ARHGEF33: variants seen among roughly 807,000 people sequenced by gnomAD.
ARHGEF33 encodes DH and coiled-coil domain-containing protein ENSP00000381780.
Under a neutral mutation model 101.9 loss-of-function variants are expected in ARHGEF33, and 72 were observed. That is an observed-to-expected ratio of 0.71 (90% CI 0.58 to 0.86). The LOEUF is 0.86. Among genes scored for constraint, ARHGEF33 ranks in the 40% least tolerant of loss-of-function variants. The pLI, the probability that ARHGEF33 is intolerant of heterozygous loss-of-function variation, is 0.00. For missense variants in ARHGEF33, 1,169 were observed against 1,111.3 expected (o/e 1.05, Z -0.74); for synonymous variants, 499 against 442.5 (o/e 1.13, Z -1.60).
intron 13 of ARHGEF33, 46 bp downstream of exon 13, chr2:38,954,502 AAT>A: frequency 8.4e-7 from 1 of 1,190,998 alleles, no homozygotes; most frequent in African/African-American, 1.5e-5. Context: ...CATGCTAAGT[AAT>A]TATTGGTTTT....
intron 11 of ARHGEF33, among the ~76,000 whole-genome samples, chr2:38,951,657 GTA>G (rs961480495): frequency 4.6e-5 from 7 of 150,828 alleles, no homozygotes; most frequent in African/African-American, 1.7e-4. Flanking sequence ...ATGCATCTGT[GTA>G]TATATATACA....
chr2:38,925,646 A>G lies in ARHGEF33; in HGVS notation c.76-3261A>G, dbSNP rs182020271. Among the ~76,000 whole-genome samples the G allele has an allele frequency of 1.3e-3, 204 of 152,314 alleles. 2 individuals carry two copies. The highest frequency in any genetic ancestry group is 4.9e-3 in the African/African-American group (202 of 41,572). On this transcript the variant is annotated intron_variant, in intron 4 of 17. Transcript: ENST00000409978. Reference sequence around the variant, plus strand: ...TAATTGGAAGATGGAAGTTGGCAGAAAACTCGTGTTGCTTCTTCAGTGACC... The same window carrying G: ...TAATTGGAAGATGGAAGTTGGCAGAGAACTCGTGTTGCTTCTTCAGTGACC...
chr2:38,899,048 C>T (rs895937154), intron 2 of ARHGEF33, among the ~76,000 whole-genome samples: 7 of 151,838 alleles, frequency 4.6e-5, no homozygotes, highest in African/African-American at 1.7e-4. Context: ...AAAGAGTGGT[C>T]TTCTTGCTAT....
chr2:38,907,733 T>C (rs1666422404), intron 2 of ARHGEF33, among the ~76,000 whole-genome samples: 1 of 152,214 alleles, frequency 6.6e-6, no homozygotes, highest in African/African-American at 2.4e-5. Context: ...TGTCCTTCTT[T>C]GTCTTTCCTT....
intron 10 of ARHGEF33, among the ~76,000 whole-genome samples, chr2:38,946,328 G>A (rs1265766567): frequency 6.6e-6 from 1 of 151,448 alleles, no homozygotes; most frequent in Non-Finnish European, 1.5e-5. Flanking sequence ...CTACGAGATT[G>A]AAAAATTAAA....
chr2:38,907,355 G>T (rs993574390), intron 2 of ARHGEF33, among the ~76,000 whole-genome samples: 1 of 152,158 alleles, frequency 6.6e-6, no homozygotes, highest in African/African-American at 2.4e-5. Context: ...AAGATGGATT[G>T]TACTCTTTTT....
chr2:38,899,188 A>G (rs926580324), intron 2 of ARHGEF33, among the ~76,000 whole-genome samples: 2 of 152,176 alleles, frequency 1.3e-5, no homozygotes, highest in African/African-American at 4.8e-5. Context: ...ATGTCAGAGG[A>G]ATGTGAATAA....
intron 17 of ARHGEF33, chr2:38,971,762 A>T: frequency 1.4e-6 from 1 of 710,042 alleles, no homozygotes. Flanking sequence ...AAATTCAGAC[A>T]TTGGAGACAT....
intron 14 of ARHGEF33, among the ~76,000 whole-genome samples, chr2:38,957,417 T>G (rs1225571664): frequency 6.6e-6 from 1 of 152,250 alleles, no homozygotes; most frequent in African/African-American, 2.4e-5. Flanking sequence ...CTATTGTGTG[T>G]CAGGCACTGT....
intron 10 of ARHGEF33, among the ~76,000 whole-genome samples, chr2:38,948,341 T>G (rs890118565): frequency 1.3e-5 from 2 of 152,268 alleles, no homozygotes; most frequent in African/African-American, 4.8e-5. Context: ...TGTAGGTCAT[T>G]GTTTTTCATG....
chr2:38,922,613 G>A (rs1346734561), intron 4 of ARHGEF33, among the ~76,000 whole-genome samples: 2 of 152,196 alleles, frequency 1.3e-5, no homozygotes, highest in Admixed American at 6.5e-5. Context: ...TTATTGAGCA[G>A]TTACTATGTG....
In ARHGEF33 at chr2:38,960,050, C is replaced by T. The variant is rs1185513594; in HGVS notation, c.1745C>T (p.Ser582Phe). The change falls in exon 16 of 18, where the codon TCC (serine) becomes TTC (phenylalanine). Residue 582 changes from serine to phenylalanine, a missense_variant. Ser to Phe is a radical substitution (Grantham distance 155). Transcript: ENST00000409978. Reference protein sequence around the residue: ...LQAIPEMDFESSPAEPLGNVE... With the variant: ...LQAIPEMDFEFSPAEPLGNVE... Reference sequence around the variant, plus strand: ...GCCATCCCGGAGATGGACTTCGAGTCCTCTCCGGCGGAGCCGCTGGGCAAC... The same window carrying T: ...GCCATCCCGGAGATGGACTTCGAGTTCTCTCCGGCGGAGCCGCTGGGCAAC... 6.5e-7 allele frequency: 1 copy of T among 1,542,322 alleles called. No homozygotes were observed. Among genetic ancestry groups the T allele is most frequent in the Non-Finnish European group, 8.8e-7 (1 of 1,142,560 alleles).
chr2:38,959,621 G>A, intron 15 of ARHGEF33: 1 of 504,890 alleles, frequency 2.0e-6, no homozygotes. Context: ...TTTCCCAGAA[G>A]CTCAGACAAT....
chr2:38,973,572 C>T (rs1324818811), intron 17 of ARHGEF33, 142 bp from the exon 18 acceptor site: 2 of 851,712 alleles, frequency 2.3e-6, no homozygotes, highest in Non-Finnish European at 3.4e-6. Context: ...TGTCCTAAGT[C>T]ATGAAATTCA....
chr2:38,961,760 G>A (rs1410559126), intron 16 of ARHGEF33, among the ~76,000 whole-genome samples: 2 of 151,966 alleles, frequency 1.3e-5, no homozygotes. Context: ...AATAAACTGT[G>A]GGAGCACATG....
In ARHGEF33 at chr2:38,960,316, C is replaced by A; in HGVS notation, c.2011C>A (p.His671Asn). ...SFAMEAERPE[H>N]PLQPLPKSAT... The stretch of plus-strand genomic sequence containing the variant: ...CGCCATGGAGGCCGAGCGGCCGGAG[C>A]ACCCGCTGCAGCCGCTGCCCAAGAG... Residue 671 changes from histidine (H) to asparagine (N), a missense_variant, in exon 16 of 18, where the codon CAC becomes AAC. Physicochemically the swap from His to Asn is moderately conservative, Grantham distance 68. Coordinates refer to ENST00000409978, the MANE Select transcript of ARHGEF33 (RefSeq NM_001145451.5). 2 of 1,542,954 alleles carry A rather than the reference C, an allele frequency of 1.3e-6. No homozygotes were observed. The highest frequency in any genetic ancestry group is 1.7e-6 in the Non-Finnish European group (2 of 1,145,878).
chr2:38,927,346 ACATT>A (rs1403311210), intron 4 of ARHGEF33, among the ~76,000 whole-genome samples: 1 of 152,258 alleles, frequency 6.6e-6, no homozygotes, highest in Non-Finnish European at 1.5e-5. Context: ...TCAGAAATAC[ACATT>A]CAAAGAAACT....
chr2:38,912,723 A>T (rs1244299990), intron 2 of ARHGEF33, among the ~76,000 whole-genome samples: 1 of 152,210 alleles, frequency 6.6e-6, no homozygotes, highest in East Asian at 1.9e-4. Context: ...TATTTGGAGA[A>T]AGCCAGGAGT....
rs1329766352 is a variant in ARHGEF33, at chr2:38,924,099, G to GTCAAAA, written c.75+2676_75+2677insTCAAAA. Among the ~76,000 whole-genome samples, 20 of 152,210 alleles carry GTCAAAA rather than the reference G, an allele frequency of 1.3e-4. 1 individual carries two copies. In the South Asian group the frequency reaches 4.1e-3, roughly 32 times the overall value. ...TAGTTCATGAAGGTCAATAAAAATG[G>GTCAAAA]AAACTTCTAAAACCCTAGTAGAAAA... is the stretch of plus-strand genomic sequence containing the variant. On this transcript the variant is annotated intron_variant, in intron 4 of 17. Transcript: ENST00000409978.
Sources: allele counts gnomAD v4.1 joint callset (sites outside exome capture counted in the v4.1 genomes callset), GRCh38; gene constraint gnomAD v4.1.1; transcripts MANE v1.5; gene names NCBI Gene and HGNC (gene_info 2026-07-23, HGNC 2026-07-21).